MYOM1: variants seen among roughly 807,000 people sequenced by gnomAD.
MYOM1 encodes the protein myomesin-1.
MYOM1 carries 164 observed loss-of-function variants against 205.3 expected under a neutral mutation model. The ratio of observed to expected loss-of-function variants is 0.80; its 90% CI spans 0.70 to 0.91. The LOEUF is 0.91. Ranked by LOEUF, MYOM1 falls within the 40% of genes least tolerant of loss-of-function variation. The probability of loss-of-function intolerance (pLI) is 0.00; values close to 1 mark genes in which losing one functional copy is unlikely to be tolerated. For synonymous variants in MYOM1, 772 were observed against 789.4 expected (o/e 0.98, Z 0.37); for missense variants, 2,011 against 2,127.3 (o/e 0.95, Z 1.08).
chr18:3,174,256 T>C, intron 6 of MYOM1, 48 bp from the exon 7 acceptor site: 1 of 1,510,636 alleles, frequency 6.6e-7, no homozygotes, highest in Non-Finnish European at 9.2e-7. Context: ...ACAATCCTTG[T>C]AATTACTAGC....
chr18:3,236,217 ATAGT>A, the MYOM1 span, among the ~76,000 whole-genome samples: 11 of 152,208 alleles, frequency 7.2e-5, no homozygotes, highest in Non-Finnish European at 1.5e-5. Flanking sequence ...GCTCTAGTTT[ATAGT>A]TAAAGGATTA....
In MYOM1 at chr18:3,124,412, C is replaced by T. The variant is rs1000241818; in HGVS notation, c.2991+2289G>A. ...CCGCCTCCCAGGTTCACGCCATTCT[C>T]CTGCCTCAGCCTCCTGAGGAGCTGG... On this transcript the variant is annotated intron_variant, in intron 19 of 37. Coordinates refer to ENST00000356443, the MANE Select transcript of MYOM1 (RefSeq NM_003803.4). 5.3e-5 allele frequency among the ~76,000 whole-genome samples: 8 copies of T among 149,722 alleles called. No homozygotes were observed. In the Admixed American group the frequency reaches 5.3e-4, roughly 10 times the overall value.
chr18:3,141,741 A>C (rs1311206261), intron 14 of MYOM1, among the ~76,000 whole-genome samples, 198 bp downstream of exon 14: 1 of 152,140 alleles, frequency 6.6e-6, no homozygotes, highest in African/African-American at 2.4e-5. Flanking sequence ...GGGATCCATA[A>C]ACCCCTTGAT....
At chr18:3,237,807 T>C in the MYOM1 span, among the ~76,000 whole-genome samples, 1 of 151,784 alleles carries the variant, frequency 6.6e-6, no homozygotes, top group Admixed American at 6.6e-5. Context: ...GAATGGGGAG[T>C]TATTGTTTAA....
At chr18:3,163,044 C>CA (rs2080417893) in intron 10 of MYOM1, among the ~76,000 whole-genome samples, 3 of 146,834 alleles carry the variant, frequency 2.0e-5, no homozygotes, top group Admixed American at 1.4e-4. Flanking sequence ...CAAAAAAAAA[C>CA]AAAAAACCAC....
chr18:3,138,940 G>A (rs941648133), intron 14 of MYOM1, among the ~76,000 whole-genome samples: 13 of 152,046 alleles, frequency 8.6e-5, no homozygotes, highest in Non-Finnish European at 1.8e-4. Flanking sequence ...CTGTGACCTC[G>A]GGCAAATTAT....
intron 13 of MYOM1, among the ~76,000 whole-genome samples, chr18:3,148,828 A>G (rs1316422121): frequency 7.3e-6 from 1 of 136,426 alleles, no homozygotes; most frequent in African/African-American, 2.9e-5. Context: ...CCTGGGCGAC[A>G]GAGCGAGACT....
intron 2 of MYOM1, among the ~76,000 whole-genome samples, chr18:3,202,346 C>T (rs973632719): frequency 6.1e-5 from 9 of 146,724 alleles, no homozygotes; most frequent in South Asian, 2.1e-4. Context: ...TTTTAGCAAA[C>T]GTAAATGGAA....
In MYOM1 at chr18:3,129,381, GGTTT is replaced by G. The variant is rs779030573; in HGVS notation, c.2641_2644del (p.Lys881LeufsTer15). 1 of 1,613,994 alleles carries G rather than the reference GGTTT, an allele frequency of 6.2e-7. No homozygotes were observed. The highest frequency in any genetic ancestry group is 1.1e-5 in the South Asian group (1 of 91,088). On this transcript the variant is annotated frameshift_variant, in exon 18 of 38. Transcript: ENST00000356443. LOFTEE classifies it high-confidence loss of function. The stretch of plus-strand genomic sequence containing the variant: ...GTTTTGAGAGCTACTGGGTAGTGAA[GGTTT>G]GTTAGGTTTGCTGCCAAGCAAAGCA...
At chr18:3,076,309 T>G (rs1404518840) in intron 34 of MYOM1, among the ~76,000 whole-genome samples, 1 of 152,114 alleles carries the variant, frequency 6.6e-6, no homozygotes, top group African/African-American at 2.4e-5. Context: ...CTTAAGTGAT[T>G]TGCCCGTCTC....
chr18:3,190,234 T>C (rs1260112799), intron 3 of MYOM1, among the ~76,000 whole-genome samples: 1 of 152,244 alleles, frequency 6.6e-6, no homozygotes, highest in East Asian at 1.9e-4. Flanking sequence ...CCTTTTGTTG[T>C]TAACCCCCTC....
the MYOM1 span, among the ~76,000 whole-genome samples, chr18:3,242,171 G>A: frequency 6.6e-6 from 1 of 152,154 alleles, no homozygotes; most frequent in Non-Finnish European, 1.5e-5. Context: ...TTTGAAAAGT[G>A]AGGACATGAG....
At chr18:3,108,167 T>C (rs1185855182) in intron 22 of MYOM1, among the ~76,000 whole-genome samples, 1 of 152,206 alleles carries the variant, frequency 6.6e-6, no homozygotes, top group Non-Finnish European at 1.5e-5. Flanking sequence ...GGAGACTGAT[T>C]TGACTGATAA....
At chr18:3,236,870 G>A in the MYOM1 span, among the ~76,000 whole-genome samples, 1 of 152,190 alleles carries the variant, frequency 6.6e-6, no homozygotes, top group Non-Finnish European at 1.5e-5. Context: ...GCGAAATTAG[G>A]AGGAATTGGC....
At chr18:3,085,230 T>A (rs1172845715) in intron 30 of MYOM1, 98 bp from the exon 31 acceptor site, 46 of 3,534 alleles carry the variant, frequency 0.013, no homozygotes, top group Non-Finnish European at 0.026. Flanking sequence ...CTGCTGCTGC[T>A]TTTTTTTTTT....
At chr18:3,075,891 G>A (rs904788602) in intron 34 of MYOM1, 130 bp from the exon 35 acceptor site, 2 of 765,054 alleles carry the variant, frequency 2.6e-6, no homozygotes, top group East Asian at 5.4e-5. Context: ...GATTAAGACT[G>A]TGCTTATGTG....
intron 19 of MYOM1, among the ~76,000 whole-genome samples, chr18:3,121,028 A>AG (rs1204504718): frequency 6.6e-6 from 1 of 152,236 alleles, no homozygotes; most frequent in Non-Finnish European, 1.5e-5. Flanking sequence ...ATGCAAAAGA[A>AG]GAGAGAGTTT....
intron 4 of MYOM1, 89 bp downstream of exon 4, chr18:3,188,659 C>T (rs2080857184): frequency 8.0e-7 from 1 of 1,250,878 alleles, no homozygotes; most frequent in Non-Finnish European, 1.1e-6. Flanking sequence ...ACAAATCAAT[C>T]TATATCTACA....
chr18:3,151,601 T>C, intron 12 of MYOM1, 93 bp downstream of exon 12: 1 of 1,127,062 alleles, frequency 8.9e-7, no homozygotes, highest in East Asian at 2.5e-5. Flanking sequence ...CTCCCTCTAG[T>C]GGAAGGGAGA....
Sources: allele counts gnomAD v4.1 joint callset (sites outside exome capture counted in the v4.1 genomes callset), GRCh38; gene constraint gnomAD v4.1.1; transcripts MANE v1.5; gene names NCBI Gene and HGNC (gene_info 2026-07-23, HGNC 2026-07-21).